EML5: variants seen among roughly 807,000 people sequenced by gnomAD.
EML5 encodes the protein echinoderm microtubule-associated protein-like 5.
In EML5, 120 loss-of-function variants were observed where a neutral mutation model predicts 250.0. That is an observed-to-expected ratio of 0.48 (90% CI 0.41 to 0.56). The LOEUF is 0.56. Among genes scored for constraint, EML5 ranks in the 20% least tolerant of loss-of-function variants. The pLI, the probability that EML5 is intolerant of heterozygous loss-of-function variation, is 0.00. For synonymous variants in EML5, 771 were observed against 806.5 expected (o/e 0.96, Z 0.75); for missense variants, 2,006 against 2,437.6 (o/e 0.82, Z 3.73).
At chr14:88,681,624 C>A (rs1235146642) in intron 21 of EML5, among the ~76,000 whole-genome samples, 1 of 152,100 alleles carries the variant, frequency 6.6e-6, no homozygotes, top group Non-Finnish European at 1.5e-5. Context: ...GAGAGAAAAA[C>A]TTAGCTTCTG....
At chr14:88,771,633 T>C (rs1055721686) in intron 1 of EML5, among the ~76,000 whole-genome samples, 1 of 152,232 alleles carries the variant, frequency 6.6e-6, no homozygotes, top group African/African-American at 2.4e-5. Context: ...TGTGTTAACA[T>C]ACTTCAAAGT....
At chr14:88,714,847 C>G in intron 9 of EML5, 92 bp downstream of exon 9, 2 of 1,260,636 alleles carry the variant, frequency 1.6e-6, no homozygotes, top group Non-Finnish European at 2.2e-6. Context: ...CTTTGATTTC[C>G]TATGATCAAA....
intron 7 of EML5, among the ~76,000 whole-genome samples, chr14:88,730,366 C>T (rs1166753051): frequency 6.6e-6 from 1 of 152,088 alleles, no homozygotes; most frequent in Non-Finnish European, 1.5e-5. Context: ...AATGAGGTTG[C>T]AAGAGAAGTA....
At chr14:88,646,369 G>GT (rs2091347624) in intron 29 of EML5, among the ~76,000 whole-genome samples, 1 of 152,136 alleles carries the variant, frequency 6.6e-6, no homozygotes, top group Non-Finnish European at 1.5e-5. Context: ...TATAAACAAT[G>GT]TTTTCAAACC....
intron 7 of EML5, among the ~76,000 whole-genome samples, chr14:88,729,922 T>C (rs147364222): frequency 5.2e-4 from 79 of 152,000 alleles, no homozygotes; most frequent in African/African-American, 1.9e-3. Flanking sequence ...ATACTGTCTT[T>C]GTATCACACT....
At chr14:88,788,603 A>G (rs2094574191) in intron 1 of EML5, among the ~76,000 whole-genome samples, 1 of 152,128 alleles carries the variant, frequency 6.6e-6, no homozygotes, top group African/African-American at 2.4e-5. Context: ...TCTGACTCCC[A>G]TAAGGAAAGC....
intron 31 of EML5, among the ~76,000 whole-genome samples, chr14:88,641,789 G>T (rs1045602282): frequency 1.3e-5 from 2 of 152,042 alleles, no homozygotes; most frequent in Admixed American, 6.6e-5. Flanking sequence ...GTCTCCATCT[G>T]CCCTCTCTCT....
chr14:88,736,320 A>G (rs2093840822), intron 7 of EML5, 44 bp downstream of exon 7: 3 of 1,599,772 alleles, frequency 1.9e-6, no homozygotes, highest in East Asian at 2.2e-5. Context: ...ATGTTTATCT[A>G]AGGATACATT....
intron 7 of EML5, 88 bp downstream of exon 7, chr14:88,736,276 G>C: frequency 6.9e-7 from 1 of 1,459,614 alleles, no homozygotes. Context: ...TGGGATTACG[G>C]GCGTGAGCCA....
chr14:88,654,545 G>C (rs1425805723), intron 27 of EML5, among the ~76,000 whole-genome samples: 2 of 152,178 alleles, frequency 1.3e-5, no homozygotes, highest in African/African-American at 4.8e-5. Context: ...TTACCCAGTA[G>C]TAATTCAGGA....
At chr14:88,701,849 G>C (rs912780829) in intron 14 of EML5, among the ~76,000 whole-genome samples, 2 of 152,148 alleles carry the variant, frequency 1.3e-5, no homozygotes, top group Admixed American at 6.6e-5. Context: ...TCACATGGTT[G>C]AGGTGAGAAT....
intron 10 of EML5, among the ~76,000 whole-genome samples, chr14:88,709,999 G>A (rs1352762365): frequency 6.6e-6 from 1 of 152,160 alleles, no homozygotes. Flanking sequence ...AAGAAGTACA[G>A]AGGGGGTCTT....
At chr14:88,705,377 T>C in intron 12 of EML5, 105 bp downstream of exon 12, 1 of 877,464 alleles carries the variant, frequency 1.1e-6, no homozygotes, top group East Asian at 2.6e-5. Context: ...CATACATTGC[T>C]TGAGAAATTA....
At chr14:88,633,437 T>C (rs2090549758) in intron 33 of EML5, among the ~76,000 whole-genome samples, 1 of 152,096 alleles carries the variant, frequency 6.6e-6, no homozygotes, top group Admixed American at 6.6e-5. Flanking sequence ...TTGATTACAA[T>C]ACAATCCATG....
intron 13 of EML5, among the ~76,000 whole-genome samples, chr14:88,703,016 G>C (rs941985915): frequency 3.3e-5 from 5 of 151,830 alleles, no homozygotes; most frequent in African/African-American, 1.2e-4. Context: ...CAAAGTGCTG[G>C]GATTACAGGT....
chr14:88,626,813 ACTATGTGCATTTTAAGAGACATACTGCAC>A lies in EML5; in HGVS notation c.4736_4740+24del. The stretch of plus-strand genomic sequence containing the variant: ...GAGAATGTAAAGTAGTCAAAGTCAC[ACTATGTGCATTTTAAGAGACATACTGCAC>A]CAAATGCAATAGCGAGCATGGTCTG... On this transcript the variant is annotated splice_donor_variant and splice_donor_5th_base_variant and coding_sequence_variant and intron_variant, in exon 35 of 44. Transcript: ENST00000554922. LOFTEE classifies it high-confidence loss of function. The A allele has an allele frequency of 6.2e-7, 1 of 1,611,756 alleles. No individual in the cohort carries two copies. The highest frequency in any genetic ancestry group is 8.5e-7 in the Non-Finnish European group (1 of 1,178,724).
intron 21 of EML5, among the ~76,000 whole-genome samples, chr14:88,672,153 A>T (rs2092479647): frequency 6.6e-6 from 1 of 152,196 alleles, no homozygotes; most frequent in African/African-American, 2.4e-5. Flanking sequence ...AATTGAAAGT[A>T]AAACACTCCT....
intron 7 of EML5, among the ~76,000 whole-genome samples, chr14:88,728,665 A>G (rs1050428048): frequency 2.6e-5 from 4 of 152,216 alleles, no homozygotes; most frequent in Non-Finnish European, 1.5e-5. Flanking sequence ...CAGGGGTGGC[A>G]GAGGTGGAAG....
At chr14:88,685,849 ATTG>A (rs1162988192) in intron 19 of EML5, among the ~76,000 whole-genome samples, 2 of 151,952 alleles carry the variant, frequency 1.3e-5, no homozygotes, top group Non-Finnish European at 2.9e-5. Flanking sequence ...TATTATTTTT[ATTG>A]TTCTATTGTT....
Sources: gnomAD v4.1 joint callset for allele counts (sites outside exome capture counted in the v4.1 genomes callset) on GRCh38, gnomAD v4.1.1 for gene constraint, MANE v1.5 for transcripts, NCBI Gene and HGNC (gene_info 2026-07-23, HGNC 2026-07-21) for gene names.